The following POLR2E variants were observed in gnomAD, a reference collection of about 807,000 sequenced individuals.
The protein encoded by POLR2E is DNA-directed RNA polymerases I, II, and III subunit RPABC1.
POLR2E carries 35 observed loss-of-function variants against 29.8 expected under a neutral mutation model. The ratio of observed to expected loss-of-function variants is 1.17; its 90% CI spans 0.90 to 1.55. POLR2E has a LOEUF of 1.55. POLR2E is among the 40% of genes most tolerant of loss of function. The pLI is 0.00. For synonymous variants in POLR2E, 174 were observed against 112.6 expected (o/e 1.55, Z -3.45); for missense variants, 287 against 288.6 (o/e 0.99, Z 0.04).
In POLR2E at chr19:1,094,096, C is replaced by T. The variant is rs1465192947; in HGVS notation, c.58-18G>A. 1.9e-6 allele frequency: 3 copies of T among 1,596,142 alleles called. No homozygotes were observed. Among genetic ancestry groups the T allele is most frequent in the Middle Eastern group, 1.7e-4 (1 of 6,006 alleles). On this transcript the variant is annotated intron_variant, in intron 1 of 7. Coordinates refer to ENST00000615234, the MANE Select transcript of POLR2E (RefSeq NM_002695.5). ...TGGCACAGCTGCAGAGAGAAAGAAC[C>T]AGCTGACCCCAGGGCAGAGAGAGGA...
At chr19:1,094,308 G>A (rs1407913341) in intron 1 of POLR2E, 3 of 493,960 alleles carry the variant, frequency 6.1e-6, no homozygotes, top group Non-Finnish European at 1.1e-5. Flanking sequence ...CCTTGACCAA[G>A]ACCGTCTGTC....
chr19:1,089,254 G>A (rs1032540362), intron 7 of POLR2E, among the ~76,000 whole-genome samples: 4 of 152,222 alleles, frequency 2.6e-5, no homozygotes, highest in African/African-American at 9.6e-5. Flanking sequence ...CGCGTACCAG[G>A]ACTCTCCCGT....
At chr19:1,089,741 A>G in intron 6 of POLR2E, 143 bp downstream of exon 6, 1 of 799,824 alleles carries the variant, frequency 1.3e-6, no homozygotes, top group Non-Finnish European at 2.1e-6. Flanking sequence ...TGGCTTTAAG[A>G]GGGGGATATT....
rs2043709358 is a variant in POLR2E, at chr19:1,087,143, A to ACAC, written c.*1591_*1592insGTG. On this transcript the variant is annotated 3_prime_UTR_variant, in exon 8 of 8. Transcript: ENST00000615234. ...AGTGTTGGGATTACAGGTGTGAGCC[A>ACAC]CTGTGCCCAGGTAATCTTAAAGTTT... The ACAC allele has an allele frequency of 6.6e-6, 1 of 151,930 alleles. No homozygotes were observed. The highest frequency in any genetic ancestry group is 1.5e-5 in the Non-Finnish European group (1 of 67,996). 9.4% of individuals were successfully genotyped at this position (151,930 alleles called of 1,614,324 possible).
chr19:1,089,806 CG>C, intron 6 of POLR2E, 77 bp downstream of exon 6: 1 of 1,185,260 alleles, frequency 8.4e-7, no homozygotes, highest in South Asian at 1.3e-5. Flanking sequence ...GAGGGGCTGT[CG>C]GGGAGGGACA....
rs758201698 is a variant in POLR2E at position 1,095,299 on chromosome 19, T to C, written c.17A>G (p.Glu6Gly). The part of the protein sequence containing the change: MDDEE[E>G]TYRLWKIRKT... The stretch of plus-strand genomic sequence containing the variant: ...GCGGATTTTCCAGAGCCGGTACGTC[T>C]CCTCCTCGTCGTCCATGGCAGCCTC... The change falls in exon 1 of 8, where the codon GAG (glutamate) becomes GGG (glycine). Residue 6 changes from glutamate to glycine, a missense_variant. Physicochemically the swap from Glu to Gly is moderately conservative, Grantham distance 98. Transcript: ENST00000615234. 3 of 1,612,968 alleles carry C rather than the reference T, an allele frequency of 1.9e-6. No individual in the cohort carries two copies. Among genetic ancestry groups the C allele is most frequent in the African/African-American group, 2.7e-5 (2 of 74,854 alleles).
At chr19:1,090,804 A>G (rs3787016) in intron 4 of POLR2E, 104 bp downstream of exon 4, 727,855 of 972,496 alleles carry the variant, frequency 0.75, 275,264 homozygotes, top group African/African-American at 0.86. Flanking sequence ...ATGCACTAAT[A>G]GGAACACCTG....
At chr19:1,091,212 C>T (rs992575713) in intron 3 of POLR2E, among the ~76,000 whole-genome samples, 7 of 152,358 alleles carry the variant, frequency 4.6e-5, no homozygotes, top group African/African-American at 7.2e-5. Context: ...CGTGGAAACT[C>T]GGATGTGTTT....
rs146831892 is a variant in POLR2E at position 1,086,898 on chromosome 19, G to C, written c.*1837C>G. 1 of 152,162 alleles carries C rather than the reference G, an allele frequency of 6.6e-6. No homozygotes were observed. Among genetic ancestry groups the C allele is most frequent in the East Asian group, 1.9e-4 (1 of 5,196 alleles). 9.4% of individuals were successfully genotyped at this position (152,162 alleles called of 1,614,324 possible). A position where few individuals can be genotyped will look rare whatever the true frequency, so the allele number is the denominator to read the frequency against. On this transcript the variant is annotated 3_prime_UTR_variant, in exon 8 of 8. Coordinates refer to ENST00000615234, the MANE Select transcript of POLR2E (RefSeq NM_002695.5). Reference sequence around the variant, plus strand: ...CAGGGCAGTCCAGGAAAACGTTCTCGATGACGGACGTATCCCCCGGCTCTA... The same window carrying C: ...CAGGGCAGTCCAGGAAAACGTTCTCCATGACGGACGTATCCCCCGGCTCTA...
chr19:1,089,531 G>T lies in POLR2E; in HGVS notation c.588C>A (p.Pro196=). The change falls in exon 7 of 8, where the codon CCC becomes CCA. Residue 196 remains proline (P), a synonymous_variant. Transcript: ENST00000615234. The part of the protein sequence containing the change: ...KRGQVVKIIR[P]SETAGRYITY... ...TGATGTACCTGCCAGCCGTCTCACT[G>T]GGCCGGATGATCTTCACCACCTGCA... is the stretch of plus-strand genomic sequence containing the variant. 2 of 1,613,802 alleles carry T rather than the reference G, an allele frequency of 1.2e-6. No individual in the cohort carries two copies. The highest frequency in any genetic ancestry group is 1.7e-6 in the Non-Finnish European group (2 of 1,179,814).
At chr19:1,090,356 G>A (rs1287729487) in intron 4 of POLR2E, among the ~76,000 whole-genome samples, 1 of 151,666 alleles carries the variant, frequency 6.6e-6, no homozygotes, top group Non-Finnish European at 1.5e-5. Context: ...CAGACGGGCT[G>A]GGCACAGCCA....
rs2043798257 is a variant in POLR2E at position 1,090,148 on chromosome 19, GC to G, written c.430-4del. 1.2e-6 allele frequency: 2 copies of G among 1,612,372 alleles called. No homozygotes were observed. Among genetic ancestry groups the G allele is most frequent in the Non-Finnish European group, 1.7e-6 (2 of 1,179,794 alleles). On this transcript the variant is annotated splice_polypyrimidine_tract_variant and splice_region_variant and intron_variant, in intron 4 of 7. Transcript: ENST00000615234. ...ATGACGACGTGCTCAGGGACTAGCT[GC>G]CGAGAGAGGAAGCCACCAGGCATCA...
intron 2 of POLR2E, chr19:1,092,450 C>T (rs2043855394): frequency 6.6e-6 from 1 of 152,510 alleles, no homozygotes; most frequent in South Asian, 2.0e-4. Flanking sequence ...ACCTGTAATC[C>T]CAGCACTTTG....
intron 7 of POLR2E, among the ~76,000 whole-genome samples, 160 bp downstream of exon 7, chr19:1,089,312 G>A (rs926395293): frequency 2.3e-4 from 35 of 151,500 alleles, no homozygotes; most frequent in Non-Finnish European, 4.3e-4. Context: ...GGTGGGGTCT[G>A]GGGGTCTGGG....
chr19:1,086,993 A>AT lies in POLR2E; in HGVS notation c.*1741dup, dbSNP rs3073478. 1,255 of 146,104 alleles carry AT rather than the reference A, an allele frequency of 8.6e-3. 2 individuals are homozygous for AT. The highest frequency in any genetic ancestry group is 0.014 in the Middle Eastern group (4 of 280). 9.1% of individuals were successfully genotyped at this position (146,104 alleles called of 1,614,324 possible). On this transcript the variant is annotated 3_prime_UTR_variant, in exon 8 of 8. Coordinates refer to ENST00000615234, the MANE Select transcript of POLR2E (RefSeq NM_002695.5). ...GTGGCCCATGCGCCTGTGGAACTGC[A>AT]TTTTTTTTTTTTTTTGAGACAGGGT...
At chr19:1,089,330 T>C in intron 7 of POLR2E, 142 bp downstream of exon 7, 1 of 610,844 alleles carries the variant, frequency 1.6e-6, no homozygotes, top group East Asian at 2.9e-5. Flanking sequence ...GGGGGTGTCC[T>C]GGGAGCGCCT....
At chr19:1,093,612 C>T in intron 2 of POLR2E, 3 of 560,800 alleles carry the variant, frequency 5.3e-6, no homozygotes, top group Non-Finnish European at 7.9e-6. Context: ...CCAAGGGACA[C>T]TAGGGCAAAG....
chr19:1,089,917 A>G lies in POLR2E; in HGVS notation c.534T>C (p.Pro178=). 1 of 1,612,436 alleles carries G rather than the reference A, an allele frequency of 6.2e-7. No homozygotes were observed. The highest frequency in any genetic ancestry group is 8.5e-7 in the Non-Finnish European group (1 of 1,179,818). ...GCTTTATCCCAAAGTAGCGCGCCAC[A>G]GGGTCCCCCGCCTGGATCCTGGGCA... ...NQLPRIQAGD[P]VARYFGIKRG... Residue 178 remains proline (P), a synonymous_variant, in exon 6 of 8, where the codon CCT becomes CCC. Coordinates refer to ENST00000615234, the MANE Select transcript of POLR2E (RefSeq NM_002695.5).
rs78560710 is a variant in POLR2E at position 1,093,720 on chromosome 19, G to T, written c.232+184C>A. ...GAGAGGGAAACTAGAAAGAAGCTGA[G>T]CATGAGAGGGGTCAGAGATCAACGG... On this transcript the variant is annotated intron_variant, in intron 2 of 7. Coordinates refer to ENST00000615234, the MANE Select transcript of POLR2E (RefSeq NM_002695.5). 3.6e-4 allele frequency: 495 copies of T among 1,387,502 alleles called. 5 individuals are homozygous for T. The African/African-American group carries it at 6.5e-3, about 18-fold the overall frequency. 85.9% of individuals were successfully genotyped at this position (1,387,502 alleles called of 1,614,324 possible).
Sources: gnomAD v4.1 joint callset for allele counts (sites outside exome capture counted in the v4.1 genomes callset) on GRCh38, gnomAD v4.1.1 for gene constraint, MANE v1.5 for transcripts, NCBI Gene and HGNC (gene_info 2026-07-23, HGNC 2026-07-21) for gene names.